Variants in GALK2 observed in about 807,000 individuals in gnomAD.
GALK2 encodes the protein N-acetylgalactosamine kinase.
In GALK2, 36 loss-of-function variants were observed where a neutral mutation model predicts 52.4. That is an observed-to-expected ratio of 0.69 (90% confidence interval 0.53 to 0.91). The LOEUF is 0.91. Among genes scored for constraint, GALK2 ranks in the 40% least tolerant of loss-of-function variants. The probability of loss-of-function intolerance (pLI) is 0.00; values close to 1 mark genes in which losing one functional copy is unlikely to be tolerated. For missense variants in GALK2, 579 were observed against 559.1 expected, an observed-to-expected ratio of 1.04 and a Z score of -0.36; for synonymous variants, 176 against 199.1, an observed-to-expected ratio of 0.88 and a Z score of 0.98.
intron 8 of GALK2, among the ~76,000 whole-genome samples, chr15:49,310,362 C>T (rs2035889924): frequency 6.6e-6 from 1 of 152,032 alleles, no homozygotes; most frequent in African/African-American, 2.4e-5. Context: ...TACAGATAGC[C>T]CTTTGATATA....
chr15:49,265,059 C>G (rs1422286168), intron 5 of GALK2, among the ~76,000 whole-genome samples: 1 of 152,210 alleles, frequency 6.6e-6, no homozygotes, highest in Non-Finnish European at 1.5e-5. Context: ...TCTGCCCATT[C>G]TCAGATCTCC....
rs1245237504 is a variant in GALK2, at chr15:49,328,917, A to G, written c.*758A>G. ...TCCATTACTTAATAGAAAAACTTAG[A>G]TAAAAAACACTTTAAGACTCTTCTA... On this transcript the variant is annotated 3_prime_UTR_variant, in exon 10 of 10. Transcript: ENST00000560031. 10 of 1,221,560 alleles carry G rather than the reference A, an allele frequency of 8.2e-6. No individual in the cohort carries two copies. The highest frequency in any genetic ancestry group is 1.5e-5 in the African/African-American group (1 of 65,664). The allele number at this position is 1,221,560 out of a possible 1,614,324, so 75.7% of individuals were successfully genotyped here.
chr15:49,261,875 G>C (rs2092128507), intron 5 of GALK2, among the ~76,000 whole-genome samples: 1 of 152,064 alleles, frequency 6.6e-6, no homozygotes, highest in Non-Finnish European at 1.5e-5. Flanking sequence ...TACATTTATT[G>C]ATTTGTGTAT....
At chr15:49,231,781 A>T (rs1367429245) in intron 3 of GALK2, among the ~76,000 whole-genome samples, 2 of 152,258 alleles carry the variant, frequency 1.3e-5, no homozygotes, top group East Asian at 3.9e-4. Context: ...GCTCCAAATA[A>T]TCTCCTTTGA....
At chr15:49,297,211 G>A (rs182814001) in intron 8 of GALK2, among the ~76,000 whole-genome samples, 13 of 152,080 alleles carry the variant, frequency 8.5e-5, no homozygotes, top group African/African-American at 3.1e-4. Flanking sequence ...TATGCTTGTT[G>A]GCCATGTGTA....
chr15:49,260,254 C>T (rs2092034338), intron 5 of GALK2, among the ~76,000 whole-genome samples: 1 of 152,090 alleles, frequency 6.6e-6, no homozygotes, highest in African/African-American at 2.4e-5. Context: ...TGTTTCCTGA[C>T]TTTTTAATGA....
At chr15:49,285,298 C>T (rs1316053486) in intron 7 of GALK2, among the ~76,000 whole-genome samples, 3 of 152,084 alleles carry the variant, frequency 2.0e-5, no homozygotes, top group African/African-American at 7.2e-5. Flanking sequence ...ACTTCACTTC[C>T]TGTTTTTTCT....
At chr15:49,225,521 A>G (rs1159767213) in intron 3 of GALK2, among the ~76,000 whole-genome samples, 1 of 152,208 alleles carries the variant, frequency 6.6e-6, no homozygotes, top group Non-Finnish European at 1.5e-5. Flanking sequence ...GAGGTAGAAC[A>G]GTTTCAACCT....
chr15:49,289,628 T>C (rs767282511), intron 7 of GALK2, among the ~76,000 whole-genome samples: 10 of 152,166 alleles, frequency 6.6e-5, no homozygotes, highest in Non-Finnish European at 1.2e-4. Flanking sequence ...TGGTGGGACA[T>C]GACTGAGCTT....
chr15:49,348,632 T>C (rs960527324), intron 3 of GALK2, among the ~76,000 whole-genome samples: 5 of 152,194 alleles, frequency 3.3e-5, no homozygotes, highest in Admixed American at 3.3e-4. Context: ...TAGGTTTTGT[T>C]TACTTTCTCC....
chr15:49,358,112 C>G (rs996160300), intron 3 of GALK2, among the ~76,000 whole-genome samples: 1 of 151,774 alleles, frequency 6.6e-6, no homozygotes, highest in Non-Finnish European at 1.5e-5. Flanking sequence ...CTATCTATGA[C>G]AAACCCACAG....
chr15:49,303,526 C>G (rs2035292995), intron 8 of GALK2, among the ~76,000 whole-genome samples: 1 of 152,168 alleles, frequency 6.6e-6, no homozygotes, highest in East Asian at 1.9e-4. Context: ...TGCCGTGGCA[C>G]CAGCTGCTCC....
chr15:49,283,776 A>G (rs553340836), intron 7 of GALK2, 58 bp downstream of exon 7: 1 of 1,556,584 alleles, frequency 6.4e-7, no homozygotes, highest in Admixed American at 1.7e-5. Context: ...CTTTATTTTC[A>G]TTGTTCTCTA....
intron 3 of GALK2, chr15:49,366,429 T>C: frequency 1.1e-6 from 1 of 887,350 alleles, no homozygotes; most frequent in Non-Finnish European, 1.9e-6. Flanking sequence ...ACAACTGCTT[T>C]GTTCTTTATG....
intron 8 of GALK2, among the ~76,000 whole-genome samples, chr15:49,296,146 C>T (rs765073728): frequency 3.9e-4 from 60 of 152,026 alleles, no homozygotes; most frequent in Non-Finnish European, 7.5e-4. Context: ...ATTTTAGGTT[C>T]AGGGCATACA....
At chr15:49,239,660 G>T (rs1363983375) in intron 5 of GALK2, among the ~76,000 whole-genome samples, 2 of 152,118 alleles carry the variant, frequency 1.3e-5, no homozygotes, top group African/African-American at 4.8e-5. Context: ...TAAATTTAGG[G>T]CAAGAAATTC....
chr15:49,157,478 A>T (rs956538015), intron 1 of GALK2, among the ~76,000 whole-genome samples: 8 of 152,210 alleles, frequency 5.3e-5, no homozygotes, highest in African/African-American at 1.9e-4. Flanking sequence ...TATAAAAAGT[A>T]ATTAGTGGTG....
In GALK2 at chr15:49,330,597, A is replaced by G. The variant is rs569400906; in HGVS notation, c.*2438A>G. On this transcript the variant is annotated 3_prime_UTR_variant, in exon 10 of 10. Transcript: ENST00000560031. ...CGCTACAGTTTCCACAACTGCTTGT[A>G]TAATAGTTTCCCTGACACTCAAATC... The G allele has an allele frequency of 1.3e-5, 2 of 152,302 alleles. No homozygotes were observed. The highest frequency in any genetic ancestry group is 3.9e-4 in the East Asian group (2 of 5,184). The allele number at this position is 152,302 out of a possible 1,614,324, so 9.4% of individuals were successfully genotyped here.
downstream of GALK2, among the ~76,000 whole-genome samples, chr15:49,332,306 C>G (rs1286343041): frequency 6.6e-6 from 1 of 152,072 alleles, no homozygotes; most frequent in East Asian, 1.9e-4. Context: ...TAAGGAGTGA[C>G]AGTGGGGAGA....
Sources: allele counts gnomAD v4.1 joint callset (sites outside exome capture counted in the v4.1 genomes callset), GRCh38; gene constraint gnomAD v4.1.1; transcripts MANE v1.5; gene names NCBI Gene and HGNC (gene_info 2026-07-23, HGNC 2026-07-21).